Variants in CEP170 observed in about 807,000 individuals in gnomAD.
CEP170 encodes the protein centrosomal protein of 170 kDa.
Under a neutral mutation model 151.9 loss-of-function variants are expected in CEP170, and 21 were observed. The ratio of observed to expected loss-of-function variants is 0.14; its 90% confidence interval spans 0.10 to 0.20. The LOEUF (loss-of-function observed/expected upper bound fraction) is 0.20. Ranked by LOEUF, CEP170 falls within the 10% of genes least tolerant of loss-of-function variation. The pLI is 1.00. For synonymous variants in CEP170, 356 were observed against 648.8 expected, an observed-to-expected ratio of 0.55 and a Z score of 6.86; for missense variants, 964 against 1,892.9, an observed-to-expected ratio of 0.51 and a Z score of 9.11.
At chr1:243,142,537 A>C in intron 14 of CEP170, 74 bp from the exon 15 acceptor site, 1 of 1,485,834 alleles carries the variant, frequency 6.7e-7, no homozygotes. Flanking sequence ...TTATGAGATA[A>C]TCAGTCATGT....
intron 3 of CEP170, among the ~76,000 whole-genome samples, chr1:243,212,994 A>G (rs1210343718): frequency 1.3e-5 from 2 of 152,226 alleles, no homozygotes; most frequent in Non-Finnish European, 2.9e-5. Context: ...GCACATAAAA[A>G]AGGAAACAAG....
At chr1:243,137,613 A>G (rs2148266747) in intron 16 of CEP170, among the ~76,000 whole-genome samples, 1 of 152,124 alleles carries the variant, frequency 6.6e-6, no homozygotes, top group East Asian at 1.9e-4. Context: ...CATCTCTACT[A>G]AAAATACAAA....
intron 7 of CEP170, among the ~76,000 whole-genome samples, chr1:243,193,954 C>G (rs2789148): frequency 6.6e-6 from 1 of 151,962 alleles, no homozygotes; most frequent in Non-Finnish European, 1.5e-5. Context: ...CTTCTCCCTC[C>G]ACCTTCAAAA....
intron 1 of CEP170, among the ~76,000 whole-genome samples, chr1:243,226,312 C>T (rs1408574986): frequency 6.7e-6 from 1 of 149,612 alleles, no homozygotes; most frequent in Non-Finnish European, 1.5e-5. Flanking sequence ...TAACATTAAC[C>T]CAATTTCATT....
chr1:243,231,363 G>A (rs1572528786), intron 1 of CEP170, among the ~76,000 whole-genome samples: 1 of 151,506 alleles, frequency 6.6e-6, no homozygotes, highest in South Asian at 2.1e-4. Context: ...ACTTAAAACT[G>A]TGAAAAAAAT....
intron 2 of CEP170, among the ~76,000 whole-genome samples, chr1:243,224,219 C>T (rs986994466): frequency 1.3e-5 from 2 of 152,148 alleles, no homozygotes; most frequent in Non-Finnish European, 2.9e-5. Flanking sequence ...AACTTAATCA[C>T]GTTTCTGATA....
chr1:243,213,078 C>T (rs1158221673), intron 3 of CEP170, among the ~76,000 whole-genome samples: 1 of 151,960 alleles, frequency 6.6e-6, no homozygotes, highest in Non-Finnish European at 1.5e-5. Context: ...CAGTAAAGTA[C>T]CAATATAAAA....
rs577689145 is a variant in CEP170 at position 243,142,224 on chromosome 1, G to A, written c.4059+92C>T. ...GAGCTTCATGCAAACAGGGAGGGTG[G>A]ACATAACTGAAATAAACTAAGCAAA... is the stretch of plus-strand genomic sequence containing the variant. On this transcript the variant is annotated intron_variant, in intron 15 of 19. Coordinates refer to ENST00000366542, the MANE Select transcript of CEP170 (RefSeq NM_014812.3). 1.9e-5 allele frequency: 31 copies of A among 1,601,184 alleles called. No homozygotes were observed. In the East Asian group the frequency reaches 6.5e-4, roughly 34 times the overall value.
chr1:243,218,679 C>G (rs2062528782), intron 3 of CEP170, among the ~76,000 whole-genome samples: 1 of 152,150 alleles, frequency 6.6e-6, no homozygotes, highest in Non-Finnish European at 1.5e-5. Context: ...ATATAGGCTA[C>G]AGGTTGCTAA....
chr1:243,230,965 A>G (rs1170506330), intron 1 of CEP170, among the ~76,000 whole-genome samples: 1 of 152,126 alleles, frequency 6.6e-6, no homozygotes, highest in Non-Finnish European at 1.5e-5. Flanking sequence ...AACCTAAAGA[A>G]ATAGAAAGAA....
intron 11 of CEP170, among the ~76,000 whole-genome samples, chr1:243,172,299 A>C (rs570495917): frequency 5.6e-4 from 86 of 152,350 alleles, no homozygotes; most frequent in Non-Finnish European, 9.6e-4. Flanking sequence ...AGCATTTTAC[A>C]AGGAGATACA....
At chr1:243,229,516 G>C (rs904964278) in intron 1 of CEP170, among the ~76,000 whole-genome samples, 1 of 152,196 alleles carries the variant, frequency 6.6e-6, no homozygotes, top group Admixed American at 6.5e-5. Flanking sequence ...TATGGTAAAA[G>C]AGGGTGACAA....
At chr1:243,137,779 TAAA>T (rs773221196) in intron 16 of CEP170, among the ~76,000 whole-genome samples, 4 of 96,960 alleles carry the variant, frequency 4.1e-5, no homozygotes, top group Middle Eastern at 5.0e-3. Context: ...CTCTCAAAAT[TAAA>T]AAAAAAAAAA....
intron 3 of CEP170, among the ~76,000 whole-genome samples, chr1:243,214,799 G>A (rs1283993596): frequency 6.6e-6 from 1 of 151,798 alleles, no homozygotes; most frequent in African/African-American, 2.4e-5. Flanking sequence ...TTAAACACCA[G>A]GAAAATATGG....
chr1:243,187,554 C>A (rs189160238), intron 8 of CEP170, among the ~76,000 whole-genome samples: 2 of 152,132 alleles, frequency 1.3e-5, no homozygotes, highest in Non-Finnish European at 2.9e-5. Flanking sequence ...AGGACTAAAT[C>A]TGATTTTTAA....
rs979341249 is a variant in CEP170, at chr1:243,172,753, C to A, written c.1660G>T (p.Ala554Ser). ...GGTTTTCTTTCTTCCATTACTGCTG[C>A]AGCAGAACTGAGAGCCCAATCTTTT... Reference protein sequence around the residue: ...LIKDWALSSAAAVMEERKPLT... With the variant: ...LIKDWALSSASAVMEERKPLT... The change falls in exon 11 of 20, where the codon GCA (alanine) becomes TCA (serine). Residue 554 changes from alanine (A) to serine (S), a missense_variant. Transcript: ENST00000366542. The A allele has an allele frequency of 1.3e-6, 2 of 1,579,746 alleles. No homozygotes were observed. Among genetic ancestry groups the A allele is most frequent in the African/African-American group, 2.7e-5 (2 of 74,058 alleles).
chr1:243,191,591 G>A (rs2060308361), intron 7 of CEP170, 97 bp from the exon 8 acceptor site: 1 of 894,760 alleles, frequency 1.1e-6, no homozygotes, highest in South Asian at 1.7e-5. Context: ...GTGAGAACCA[G>A]AAGGCAGATC....
intron 1 of CEP170, 65 bp downstream of exon 1, chr1:243,254,975 G>A (rs900666210): frequency 2.0e-5 from 3 of 152,224 alleles, no homozygotes; most frequent in African/African-American, 7.2e-5. Context: ...GCAGGATGTG[G>A]AAAGCAGCCG....
chr1:243,244,778 C>T (rs545640100), intron 1 of CEP170, among the ~76,000 whole-genome samples: 10 of 151,508 alleles, frequency 6.6e-5, no homozygotes, highest in South Asian at 4.2e-4. Flanking sequence ...GTAAAAACTC[C>T]GAAGAGTTAC....
Sources: allele counts gnomAD v4.1 joint callset (sites outside exome capture counted in the v4.1 genomes callset), GRCh38; gene constraint gnomAD v4.1.1; transcripts MANE v1.5; gene names NCBI Gene and HGNC (gene_info 2026-07-23, HGNC 2026-07-21).